The following PSMD14 variants were observed in gnomAD, a reference collection of about 807,000 sequenced individuals.
PSMD14 encodes the protein ubiquitin C-terminal hydrolase PSMD14.
PSMD14 carries 7 observed loss-of-function variants against 41.2 expected under a neutral mutation model. That is an observed-to-expected ratio of 0.17 (90% CI 0.10 to 0.32). The LOEUF is 0.32. PSMD14 is among the 10% of genes least tolerant of loss of function. PSMD14 has a pLI of 1.00. For synonymous variants in PSMD14, 114 were observed against 122.3 expected, an observed-to-expected ratio of 0.93 and a Z score of 0.45; for missense variants, 139 against 375.6, an observed-to-expected ratio of 0.37 and a Z score of 5.21.
chr2:161,361,904 T>C (rs1197973427), intron 3 of PSMD14, among the ~76,000 whole-genome samples: 2 of 152,236 alleles, frequency 1.3e-5, no homozygotes, highest in African/African-American at 4.8e-5. Flanking sequence ...CAAGGGACTT[T>C]AATCCATTTA....
chr2:161,350,108 T>C (rs1381307154), intron 3 of PSMD14, among the ~76,000 whole-genome samples: 1 of 152,214 alleles, frequency 6.6e-6, no homozygotes, highest in African/African-American at 2.4e-5. Context: ...TTTAGTAATA[T>C]AAAGTTGCCT....
chr2:161,361,874 G>T (rs1263409658), intron 3 of PSMD14, among the ~76,000 whole-genome samples: 1 of 152,086 alleles, frequency 6.6e-6, no homozygotes. Context: ...AACCCATTAT[G>T]AGAGGCTTTT....
intron 3 of PSMD14, among the ~76,000 whole-genome samples, chr2:161,330,127 G>A (rs772797306): frequency 1.3e-5 from 2 of 152,168 alleles, no homozygotes; most frequent in Non-Finnish European, 2.9e-5. Context: ...TAGAATGGAA[G>A]GGGATTGGTG....
At chr2:161,308,861 A>G (rs984513561) in intron 1 of PSMD14, 1 of 152,276 alleles carries the variant, frequency 6.6e-6, no homozygotes, top group African/African-American at 2.4e-5. Flanking sequence ...TTCCATCTAT[A>G]TAGAGAGAAT....
At chr2:161,385,300 G>C (rs1683619990) in intron 7 of PSMD14, 164 bp from the exon 8 acceptor site, 2 of 404,930 alleles carry the variant, frequency 4.9e-6, no homozygotes, top group Non-Finnish European at 8.7e-6. Context: ...GTGGTGTGCT[G>C]ATGGCACAGT....
In PSMD14 at chr2:161,343,921, C is replaced by G. The variant is rs114992435; in HGVS notation, c.49-23557C>G. On this transcript the variant is annotated intron_variant, in intron 3 of 11. Transcript: ENST00000409682. ...TCCATGGGTTCTGCATCCATGGATT[C>G]AACCAACGTTTACATCTGTACTGAA... Among the ~76,000 whole-genome samples the G allele has an allele frequency of 6.5e-3, 986 of 152,214 alleles. 3 individuals carry two copies. Among genetic ancestry groups the G allele is most frequent in the Non-Finnish European group, 0.011 (726 of 68,012 alleles).
chr2:161,333,234 C>A lies in PSMD14; in HGVS notation c.48+14361C>A, dbSNP rs184781910. ...CATCCTTATATTTTATAGGAAGTTTCCTTTTTTAGTAAGTTGACTTCCTCA... is the reference window on the plus strand; with the variant it reads ...CATCCTTATATTTTATAGGAAGTTTACTTTTTTAGTAAGTTGACTTCCTCA... On this transcript the variant is annotated intron_variant, in intron 3 of 11. Transcript: ENST00000409682. 3.3e-5 allele frequency among the ~76,000 whole-genome samples: 5 copies of A among 152,288 alleles called. No individual in the cohort carries two copies. The East Asian group carries it at 9.6e-4, about 29-fold the overall frequency.
At chr2:161,379,018 C>T (rs1409734000) in intron 7 of PSMD14, among the ~76,000 whole-genome samples, 1 of 152,006 alleles carries the variant, frequency 6.6e-6, no homozygotes, top group Non-Finnish European at 1.5e-5. Context: ...GGTGTTACAG[C>T]ACAAGCAATG....
chr2:161,371,967 C>CTTTTTTTTT (rs529718395), intron 7 of PSMD14, among the ~76,000 whole-genome samples: 2 of 145,334 alleles, frequency 1.4e-5, no homozygotes, highest in Non-Finnish European at 3.0e-5. Flanking sequence ...TTCATTCTTT[C>CTTTTTTTTT]TTTTTTTTTT....
intron 3 of PSMD14, among the ~76,000 whole-genome samples, chr2:161,329,585 TTTCTC>T (rs1200401849): frequency 6.6e-6 from 1 of 152,144 alleles, no homozygotes; most frequent in African/African-American, 2.4e-5. Flanking sequence ...ATTTGGGCAT[TTTCTC>T]TTAAGAAGTA....
intron 3 of PSMD14, among the ~76,000 whole-genome samples, chr2:161,319,499 C>A (rs1689180844): frequency 6.6e-6 from 1 of 152,090 alleles, no homozygotes; most frequent in African/African-American, 2.4e-5. Flanking sequence ...GCTTTCAGAT[C>A]AAGAATTTGT....
chr2:161,309,548 G>A (rs964315339), intron 1 of PSMD14, among the ~76,000 whole-genome samples: 2 of 152,152 alleles, frequency 1.3e-5, no homozygotes, highest in South Asian at 2.1e-4. Flanking sequence ...ACAAAAACAT[G>A]AACACAGTTT....
chr2:161,376,106 C>CATAT (rs747297170), intron 7 of PSMD14, among the ~76,000 whole-genome samples: 8 of 146,452 alleles, frequency 5.5e-5, no homozygotes, highest in South Asian at 2.1e-4. Context: ...TATATATATA[C>CATAT]ATATATATAT....
chr2:161,320,321 C>A (rs1288296843), intron 3 of PSMD14, among the ~76,000 whole-genome samples: 1 of 152,056 alleles, frequency 6.6e-6, no homozygotes, highest in Non-Finnish European at 1.5e-5. Context: ...GCTGGAAAAC[C>A]CCTGGACATG....
intron 7 of PSMD14, among the ~76,000 whole-genome samples, chr2:161,379,580 C>T (rs574890275): frequency 7.6e-4 from 115 of 151,750 alleles, no homozygotes; most frequent in African/African-American, 2.7e-3. Context: ...AACTTTTTTC[C>T]AATTTTAACA....
chr2:161,344,133 G>A (rs1171408199), intron 3 of PSMD14, among the ~76,000 whole-genome samples: 1 of 150,956 alleles, frequency 6.6e-6, no homozygotes, highest in African/African-American at 2.5e-5. Flanking sequence ...GGGGAGCGGT[G>A]GGGGGAGGTC....
chr2:161,384,312 T>C (rs1385100295), intron 7 of PSMD14: 3 of 151,656 alleles, frequency 2.0e-5, no homozygotes, highest in African/African-American at 7.2e-5. Flanking sequence ...ATAGCAATCT[T>C]TTACAAAGGG....
intron 10 of PSMD14, among the ~76,000 whole-genome samples, chr2:161,402,708 A>G (rs1416765075): frequency 2.6e-5 from 4 of 152,064 alleles, no homozygotes; most frequent in Non-Finnish European, 4.4e-5. Context: ...GAAAAAAAAA[A>G]AGAAACTATA....
intron 3 of PSMD14, among the ~76,000 whole-genome samples, chr2:161,336,867 G>A (rs1186511278): frequency 6.6e-6 from 1 of 152,168 alleles, no homozygotes; most frequent in African/African-American, 2.4e-5. Flanking sequence ...GAGCCACCGT[G>A]CTCAGCCTAT....
Sources: allele counts gnomAD v4.1 joint callset (sites outside exome capture counted in the v4.1 genomes callset), GRCh38; gene constraint gnomAD v4.1.1; transcripts MANE v1.5; gene names NCBI Gene and HGNC (gene_info 2026-07-23, HGNC 2026-07-21).